The following KDM3B variants were observed in gnomAD, a reference collection of about 807,000 sequenced individuals.
KDM3B encodes lysine-specific demethylase 3B.
Under a neutral mutation model 170.0 loss-of-function variants are expected in KDM3B, and 10 were observed. The observed-to-expected ratio is 0.06, with a 90% confidence interval of 0.04 to 0.10. The LOEUF (loss-of-function observed/expected upper bound fraction) is 0.10. Among genes scored for constraint, KDM3B ranks in the 10% least tolerant of loss-of-function variants. The probability of loss-of-function intolerance (pLI) is 1.00; values close to 1 mark genes in which losing one functional copy is unlikely to be tolerated. For missense variants in KDM3B, 1,394 were observed against 2,195.2 expected, an observed-to-expected ratio of 0.64 and a Z score of 7.29; for synonymous variants, 831 against 834.8, an observed-to-expected ratio of 1.00 and a Z score of 0.08.
At chr5:138,387,292 G>A (rs868441572) in intron 7 of KDM3B, among the ~76,000 whole-genome samples, 4 of 152,218 alleles carry the variant, frequency 2.6e-5, no homozygotes, top group Middle Eastern at 3.4e-3. Context: ...ATCAAAATCA[G>A]TATAATATAT....
At chr5:138,379,819 C>T (rs1209706610) in intron 5 of KDM3B, 111 bp downstream of exon 5, 7 of 1,012,988 alleles carry the variant, frequency 6.9e-6, no homozygotes, top group Middle Eastern at 3.3e-4. Context: ...ATCCCTGGCT[C>T]TATTACTTAA....
chr5:138,433,522 C>T (rs1371817987), intron 23 of KDM3B, among the ~76,000 whole-genome samples: 1 of 152,010 alleles, frequency 6.6e-6, no homozygotes, highest in Non-Finnish European at 1.5e-5. Context: ...ATTCTCCTGC[C>T]TCAGCCTCCC....
At chr5:138,370,826 G>A (rs80159600) in intron 1 of KDM3B, among the ~76,000 whole-genome samples, 2 of 148,712 alleles carry the variant, frequency 1.3e-5, no homozygotes, top group African/African-American at 5.0e-5. Flanking sequence ...TTTTTTTTCC[G>A]AGACAGAGTT....
intron 11 of KDM3B, 134 bp from the exon 12 acceptor site, chr5:138,414,998 T>G: frequency 4.1e-6 from 2 of 490,664 alleles, no homozygotes; most frequent in Admixed American, 3.4e-5. Context: ...AGCAGGGGCT[T>G]TTTGTTTTTT....
Position 138,412,997 on chromosome 5 carries a change from A to G in KDM3B, c.3200-2135A>G, listed in dbSNP as rs183030768. ...CCAAAAAATATAGTCGATGGCAGGT[A>G]AGTACATGGGAAAAATTGTAATTAA... On this transcript the variant is annotated intron_variant, in intron 11 of 23. Transcript: ENST00000314358. Among the ~76,000 whole-genome samples, 7 of 152,348 alleles carry G rather than the reference A, an allele frequency of 4.6e-5. No homozygotes were observed. In the East Asian group the frequency reaches 1.3e-3, roughly 29 times the overall value.
intron 11 of KDM3B, among the ~76,000 whole-genome samples, chr5:138,400,265 C>T (rs904629606): frequency 1.3e-4 from 20 of 151,684 alleles, no homozygotes; most frequent in African/African-American, 3.6e-4. Context: ...GGCAGATTCT[C>T]GCTCTGTTGC....
chr5:138,379,763 T>C (rs1052172854), intron 5 of KDM3B, 55 bp downstream of exon 5: 1 of 1,520,990 alleles, frequency 6.6e-7, no homozygotes. Context: ...AAGAGGATGG[T>C]TTAGATAGGC....
intron 3 of KDM3B, among the ~76,000 whole-genome samples, 166 bp downstream of exon 3, chr5:138,375,372 T>C (rs1761971310): frequency 6.6e-6 from 1 of 151,702 alleles, no homozygotes. Flanking sequence ...TTATTTTATT[T>C]TATTTATTTA....
chr5:138,397,985 A>G, intron 9 of KDM3B, 193 bp from the exon 10 acceptor site: 1 of 510,862 alleles, frequency 2.0e-6, no homozygotes, highest in Non-Finnish European at 3.4e-6. Flanking sequence ...CTTTTTAAAG[A>G]ATCTAGACCT....
At chr5:138,413,847 G>C (rs1763037315) in intron 11 of KDM3B, among the ~76,000 whole-genome samples, 1 of 151,910 alleles carries the variant, frequency 6.6e-6, no homozygotes, top group South Asian at 2.1e-4. Flanking sequence ...CAAGCTCCTG[G>C]GCTCAAGTTC....
chr5:138,432,903 T>A (rs1763572021), intron 23 of KDM3B, among the ~76,000 whole-genome samples: 1 of 149,386 alleles, frequency 6.7e-6, no homozygotes, highest in Admixed American at 6.7e-5. Flanking sequence ...CACCACCACG[T>A]CCAGCTATTT....
intron 20 of KDM3B, among the ~76,000 whole-genome samples, chr5:138,428,940 C>CT (rs397884825): frequency 0.037 from 3,725 of 100,956 alleles, 124 homozygotes; most frequent in Non-Finnish European, 0.043. Flanking sequence ...GGGATAATTT[C>CT]TTTTTTTTTT....
intron 7 of KDM3B, among the ~76,000 whole-genome samples, chr5:138,388,468 TAA>T (rs1173343716): frequency 6.6e-6 from 1 of 151,744 alleles, no homozygotes; most frequent in East Asian, 1.9e-4. Context: ...CCGTCTCTAC[TAA>T]AAATACAAAA....
At chr5:138,388,751 G>T (rs1762349963) in intron 7 of KDM3B, among the ~76,000 whole-genome samples, 1 of 151,688 alleles carries the variant, frequency 6.6e-6, no homozygotes, top group African/African-American at 2.4e-5. Context: ...GGCGGAGATT[G>T]CAGTGAGCCA....
rs577461410 is a variant in KDM3B at position 138,373,697 on chromosome 5, C to T, written c.360+856C>T. On this transcript the variant is annotated intron_variant, in intron 2 of 23. Transcript: ENST00000314358. ...ATGGTTGCTCATCATGTTGCCTAGGCTGGTCTTGAACTCCTGGTCTCAAGC... is the reference window on the plus strand; with the variant it reads ...ATGGTTGCTCATCATGTTGCCTAGGTTGGTCTTGAACTCCTGGTCTCAAGC... Among the ~76,000 whole-genome samples the T allele has an allele frequency of 2.0e-5, 3 of 152,176 alleles. No homozygotes were observed. The South Asian group carries it at 6.2e-4, about 32-fold the overall frequency.
chr5:138,425,761 C>T (rs1400632886), intron 17 of KDM3B, 179 bp downstream of exon 17: 5 of 548,542 alleles, frequency 9.1e-6, no homozygotes, highest in South Asian at 2.8e-5. Flanking sequence ...TAATTTCAGT[C>T]TTTTTGGAGG....
intron 15 of KDM3B, among the ~76,000 whole-genome samples, chr5:138,422,408 G>A (rs759212471): frequency 3.9e-5 from 6 of 152,096 alleles, no homozygotes; most frequent in African/African-American, 7.2e-5. Context: ...AGGCTGAGGC[G>A]GACAGATCAC....
intron 1 of KDM3B, among the ~76,000 whole-genome samples, chr5:138,362,435 G>A (rs1268277945): frequency 2.0e-5 from 3 of 151,882 alleles, no homozygotes; most frequent in African/African-American, 7.3e-5. Flanking sequence ...GCTGTCACCT[G>A]TTCTTCTGAG....
At chr5:138,431,641 T>G in intron 23 of KDM3B, 82 bp downstream of exon 23, 2 of 1,240,586 alleles carry the variant, frequency 1.6e-6, no homozygotes, top group Non-Finnish European at 2.1e-6. Context: ...TTCTCCTTTC[T>G]GAGGGTATTC....
Sources: gnomAD v4.1 joint callset for allele counts (sites outside exome capture counted in the v4.1 genomes callset) on GRCh38, gnomAD v4.1.1 for gene constraint, MANE v1.5 for transcripts, NCBI Gene and HGNC (gene_info 2026-07-23, HGNC 2026-07-21) for gene names.